The following DHTKD1 variants were observed in gnomAD, a reference collection of about 807,000 sequenced individuals.
DHTKD1 encodes the protein 2-oxoadipate dehydrogenase complex component E1.
In DHTKD1, 78 loss-of-function variants were observed where a neutral mutation model predicts 101.8. That is an observed-to-expected ratio of 0.77 (90% CI 0.64 to 0.93). The LOEUF is 0.93. Among genes scored for constraint, DHTKD1 ranks in the 40% least tolerant of loss-of-function variants. The pLI is 0.00. For synonymous variants in DHTKD1, 462 were observed against 450.3 expected, an observed-to-expected ratio of 1.03 and a Z score of -0.33; for missense variants, 1,223 against 1,161.7, an observed-to-expected ratio of 1.05 and a Z score of -0.77.
chr10:12,111,929 C>T (rs944083848), intron 12 of DHTKD1, among the ~76,000 whole-genome samples: 2 of 152,088 alleles, frequency 1.3e-5, no homozygotes. Context: ...ACTTTCTCTG[C>T]AGACATGGAA....
intron 2 of DHTKD1, among the ~76,000 whole-genome samples, chr10:12,082,737 T>TAA (rs1314996354): frequency 3.9e-5 from 6 of 152,058 alleles, no homozygotes; most frequent in Non-Finnish European, 8.8e-5. Context: ...GCGACATGAT[T>TAA]AATGGCTCAG....
intron 1 of DHTKD1, 62 bp from the exon 2 acceptor site, chr10:12,081,410 A>AT (rs1832814343): frequency 2.1e-6 from 3 of 1,422,058 alleles, no homozygotes; most frequent in East Asian, 2.3e-5. Flanking sequence ...TGAAAATCTG[A>AT]TTTTTGTGAT....
intron 1 of DHTKD1, among the ~76,000 whole-genome samples, chr10:12,073,825 T>A (rs1353515849): frequency 4.6e-5 from 7 of 152,282 alleles, no homozygotes; most frequent in African/African-American, 1.4e-4. Flanking sequence ...TACTCTAAGT[T>A]TGAGGGCTCT....
chr10:12,072,881 C>T (rs1419949084), intron 1 of DHTKD1, among the ~76,000 whole-genome samples: 1 of 151,650 alleles, frequency 6.6e-6, no homozygotes, highest in Non-Finnish European at 1.5e-5. Context: ...GGACTACAGG[C>T]ATGTACCACC....
intron 1 of DHTKD1, 45 bp from the exon 2 acceptor site, chr10:12,081,427 T>G: frequency 1.3e-6 from 2 of 1,548,436 alleles, no homozygotes; most frequent in Non-Finnish European, 1.8e-6. Context: ...TGATTTGTAG[T>G]CATCTCCTAA....
chr10:12,076,144 G>A (rs946464254), intron 1 of DHTKD1, among the ~76,000 whole-genome samples: 1 of 152,240 alleles, frequency 6.6e-6, no homozygotes, highest in South Asian at 2.1e-4. Flanking sequence ...CTTTTAGAGT[G>A]AGTGCATCAG....
chr10:12,077,248 A>G (rs1015519268), intron 1 of DHTKD1, among the ~76,000 whole-genome samples: 2 of 147,774 alleles, frequency 1.4e-5, no homozygotes, highest in Admixed American at 1.4e-4. Context: ...TTTTTTTGAG[A>G]TGGAGTTTCA....
At chr10:12,118,202 A>T (rs1488162696) in intron 14 of DHTKD1, among the ~76,000 whole-genome samples, 1 of 151,512 alleles carries the variant, frequency 6.6e-6, no homozygotes, top group Non-Finnish European at 1.5e-5. Context: ...CTCTATCCTA[A>T]GTCCTTTAAG....
chr10:12,090,865 C>G (rs1832979403), intron 5 of DHTKD1, among the ~76,000 whole-genome samples: 1 of 152,124 alleles, frequency 6.6e-6, no homozygotes, highest in Non-Finnish European at 1.5e-5. Flanking sequence ...TTATAATACT[C>G]TATTTTAATC....
At chr10:12,084,830 C>T in intron 3 of DHTKD1, 79 bp downstream of exon 3, 1 of 1,277,456 alleles carries the variant, frequency 7.8e-7, no homozygotes. Context: ...GCGGGCGGAT[C>T]ACCTGAGGTC....
intron 13 of DHTKD1, among the ~76,000 whole-genome samples, chr10:12,113,884 C>T (rs993622417): frequency 6.6e-6 from 1 of 152,106 alleles, no homozygotes; most frequent in African/African-American, 2.4e-5. Context: ...CATGCCACTA[C>T]ACTCCAGCCT....
chr10:12,098,083 A>T (rs1833102238), intron 8 of DHTKD1, 87 bp downstream of exon 8: 2 of 1,247,314 alleles, frequency 1.6e-6, no homozygotes, highest in South Asian at 3.0e-5. Flanking sequence ...CAGTTGTCTG[A>T]TTCATTTGAC....
At position 12,120,793 on chromosome 10, in the gene DHTKD1, C is replaced by T; in HGVS notation, c.2665C>T (p.Leu889=). 6.2e-7 allele frequency: 1 copy of T among 1,614,050 alleles called. No homozygotes were observed. The change falls in exon 17 of 17, where the codon CTG becomes TTG. Residue 889 remains leucine, a synonymous_variant. Coordinates refer to ENST00000263035, the MANE Select transcript of DHTKD1 (RefSeq NM_018706.7). ...TTCTCTGCTGCACTTATAGCTCCGT[C>T]TGGTGGGCCGGCCCCCTTTGCCAGT... ...FEKQLACKLR[L]VGRPPLPVPA...
Position 12,089,080 on chromosome 10 carries a change from T to C in DHTKD1, c.812T>C (p.Leu271Pro). The C allele has an allele frequency of 6.2e-7, 1 of 1,614,168 alleles. No homozygotes were observed. Among genetic ancestry groups the C allele is most frequent in the Non-Finnish European group, 8.5e-7 (1 of 1,180,024 alleles). The change falls in exon 5 of 17, where the codon CTG becomes CCG. Residue 271 changes from leucine (L) to proline (P), a missense_variant. Transcript: ENST00000263035. ...VLSHLTSSVD[L>P]YFGAHHPLHV... Reference sequence around the variant, plus strand: ...TCTCACCTGACCTCCTCTGTGGACCTGTACTTTGGGGCGCACCATCCCCTC... The same window carrying C: ...TCTCACCTGACCTCCTCTGTGGACCCGTACTTTGGGGCGCACCATCCCCTC...
chr10:12,095,493 C>T (rs1444176139), intron 7 of DHTKD1, among the ~76,000 whole-genome samples: 3 of 151,606 alleles, frequency 2.0e-5, no homozygotes, highest in Non-Finnish European at 2.9e-5. Context: ...GCCTGGCCAA[C>T]ATGGTGAAAC....
chr10:12,118,812 T>C lies in DHTKD1; in HGVS notation c.2466T>C (p.Ser822=). The change falls in exon 15 of 17, where the codon TCT becomes TCC. Residue 822 remains serine (S), a synonymous_variant. Transcript: ENST00000263035. ...HFYSLVKQRE[S]LGAKKHDFAI... ...ACTCCCTGGTGAAACAAAGAGAATC[T>C]CTGGGGGCCAAGAAGCATGACTTTG... 6.2e-7 allele frequency: 1 copy of C among 1,608,288 alleles called. No individual in the cohort carries two copies. Among genetic ancestry groups the C allele is most frequent in the Non-Finnish European group, 8.5e-7 (1 of 1,177,786 alleles).
At position 12,120,820 on chromosome 10, in the gene DHTKD1, C is replaced by G. The variant is rs1431922322; in HGVS notation, c.2692C>G (p.Pro898Ala). 1 of 1,614,104 alleles carries G rather than the reference C, an allele frequency of 6.2e-7. No homozygotes were observed. ...RLVGRPPLPV[P>A]AVGIGTVHLH... ...GGTGGGCCGGCCCCCTTTGCCAGTA[C>G]CCGCTGTAGGAATTGGCACAGTTCA... Residue 898 changes from proline (P) to alanine (A), a missense_variant, in exon 17 of 17, where the codon CCC (proline) becomes GCC (alanine). By Grantham distance (27) the Pro-to-Ala change is conservative (BLOSUM62 -1). Transcript: ENST00000263035.
intron 1 of DHTKD1, among the ~76,000 whole-genome samples, chr10:12,073,801 T>C (rs1238940352): frequency 6.6e-6 from 1 of 152,216 alleles, no homozygotes; most frequent in Non-Finnish European, 1.5e-5. Flanking sequence ...GAGAAGAAGC[T>C]GCTTCAGCTC....
chr10:12,109,426 A>G (rs927987911), intron 12 of DHTKD1, among the ~76,000 whole-genome samples: 6 of 151,392 alleles, frequency 4.0e-5, no homozygotes, highest in African/African-American at 1.2e-4. Context: ...AAACAGAGGA[A>G]ATGAGTAGGT....
Sources: allele counts gnomAD v4.1 joint callset (sites outside exome capture counted in the v4.1 genomes callset), GRCh38; gene constraint gnomAD v4.1.1; transcripts MANE v1.5; gene names NCBI Gene and HGNC (gene_info 2026-07-23, HGNC 2026-07-21).